The following PLSCR1 variants were observed in gnomAD, a reference collection of about 807,000 sequenced individuals.
The protein encoded by PLSCR1 is PL scramblase 1.
Under a neutral mutation model 37.8 loss-of-function variants are expected in PLSCR1, and 17 were observed. The observed-to-expected ratio is 0.45, with a 90% CI of 0.31 to 0.68. The LOEUF (loss-of-function observed/expected upper bound fraction) is 0.68, where lower values mean the gene tolerates loss of function less well. PLSCR1 is among the 30% of genes least tolerant of loss of function. The pLI, the probability that PLSCR1 is intolerant of heterozygous loss-of-function variation, is 0.06. For missense variants in PLSCR1, 347 were observed against 380.9 expected, an observed-to-expected ratio of 0.91 and a Z score of 0.74; for synonymous variants, 116 against 125.9, an observed-to-expected ratio of 0.92 and a Z score of 0.53.
chr3:146,520,928 C>G (rs1043059677), intron 7 of PLSCR1, among the ~76,000 whole-genome samples: 1 of 151,976 alleles, frequency 6.6e-6, no homozygotes, highest in Non-Finnish European at 1.5e-5. Context: ...TAAAAGTAGA[C>G]CATCTGTTGT....
Position 146,517,957 on chromosome 3 carries a change from G to A in PLSCR1, c.739-790C>T, listed in dbSNP as rs182876487. The stretch of plus-strand genomic sequence containing the variant: ...TACACATATAGTTGTATTAACAGAG[G>A]AGTGTCCTTTTCAGCTAAATAAATG... On this transcript the variant is annotated intron_variant, in intron 7 of 8. Transcript: ENST00000342435. Among the ~76,000 whole-genome samples the A allele has an allele frequency of 2.0e-5, 3 of 152,278 alleles. No homozygotes were observed. In the East Asian group the frequency reaches 5.8e-4, roughly 29 times the overall value.
rs896424595 is a variant in PLSCR1 at position 146,521,489 on chromosome 3, T to A, written c.738+55A>T. ...ATGCATTTATAATGTCCTGCAAAAT[T>A]ACATTCTTCTTATATTAGGAAAGCA... On this transcript the variant is annotated intron_variant, in intron 7 of 8. Transcript: ENST00000342435. The A allele has an allele frequency of 5.8e-5, 85 of 1,456,536 alleles. No individual in the cohort carries two copies. In the Admixed American group the frequency reaches 1.6e-3, roughly 27 times the overall value. 90.2% of individuals were successfully genotyped at this position (1,456,536 alleles called of 1,614,324 possible). A position where few individuals can be genotyped will look rare whatever the true frequency, so the allele number is the denominator to read the frequency against.
chr3:146,526,183 C>CAAAAAAAAAAAAAAAAAAAA (rs60229241), intron 4 of PLSCR1, among the ~76,000 whole-genome samples: 32 of 42,682 alleles, frequency 7.5e-4, no homozygotes, highest in East Asian at 1.8e-3. Flanking sequence ...GACTCCATCT[C>CAAAAAAAAAAAAAAAAAAAA]AAAAAAAAAA....
At chr3:146,533,583 A>T in intron 2 of PLSCR1, 33 bp from the exon 3 acceptor site, 1 of 1,181,338 alleles carries the variant, frequency 8.5e-7, no homozygotes, top group Non-Finnish European at 1.3e-6. Context: ...TAGATGTCTG[A>T]TTAAATAAAA....
chr3:146,524,709 AT>A (rs2044082001), intron 5 of PLSCR1, among the ~76,000 whole-genome samples: 2 of 152,122 alleles, frequency 1.3e-5, no homozygotes, highest in Non-Finnish European at 2.9e-5. Context: ...TAAAAAAAAA[AT>A]CAAGTAACTT....
rs181829870 is a variant in PLSCR1, at chr3:146,543,809, G to T, written c.-14+658C>A. Among the ~76,000 whole-genome samples, 343 of 152,320 alleles carry T rather than the reference G, an allele frequency of 2.3e-3. 2 individuals carry two copies. Among genetic ancestry groups the T allele is most frequent in the African/African-American group, 7.6e-3 (315 of 41,574 alleles). The stretch of plus-strand genomic sequence containing the variant: ...AATTTCAGAGATGAGGCAATGGAAA[G>T]AACATATATAAGAAGAAAGTGGCTG... On this transcript the variant is annotated intron_variant, in intron 1 of 8. Transcript: ENST00000342435.
Position 146,521,841 on chromosome 3 carries a change from G to T in PLSCR1, c.568C>A (p.Leu190Ile). The change falls in exon 6 of 9, where the codon CTT (leucine) becomes ATT (isoleucine). Residue 190 changes from leucine to isoleucine, a missense_variant. Coordinates refer to ENST00000342435, the MANE Select transcript of PLSCR1 (RefSeq NM_021105.3). ...GGTAATTGATCACAGACCTCCTGAAGGCAGCAGGGACAACAACAGCTGCTA... is the reference window on the plus strand; with the variant it reads ...GGTAATTGATCACAGACCTCCTGAATGCAGCAGGGACAACAACAGCTGCTA... ...RCSSCCCPCC[L>I]QEIEIQAPPG... is the part of the protein sequence containing the mutation. 1 of 1,611,098 alleles carries T rather than the reference G, an allele frequency of 6.2e-7. No homozygotes were observed.
intron 8 of PLSCR1, 166 bp downstream of exon 8, chr3:146,516,840 C>T (rs987675254): frequency 1.3e-5 from 7 of 536,906 alleles, no homozygotes; most frequent in Non-Finnish European, 2.2e-5. Context: ...CCTGTGACCC[C>T]AGAGTGTCAG....
At chr3:146,519,718 C>T (rs2043993405) in intron 7 of PLSCR1, among the ~76,000 whole-genome samples, 1 of 152,004 alleles carries the variant, frequency 6.6e-6, no homozygotes, top group Non-Finnish European at 1.5e-5. Context: ...TTGCTGATCC[C>T]TGACCTAGAT....
chr3:146,539,819 T>C (rs2108674287), intron 1 of PLSCR1, among the ~76,000 whole-genome samples: 1 of 152,322 alleles, frequency 6.6e-6, no homozygotes, highest in Non-Finnish European at 1.5e-5. Flanking sequence ...TTGAAAGTGG[T>C]ATGTAATAAG....
chr3:146,529,805 G>A (rs1462321882), intron 3 of PLSCR1, among the ~76,000 whole-genome samples: 4 of 152,078 alleles, frequency 2.6e-5, no homozygotes, highest in East Asian at 1.9e-4. Context: ...GAGCCACCGC[G>A]CCCATTCGTT....
intron 3 of PLSCR1, among the ~76,000 whole-genome samples, chr3:146,530,606 G>T (rs2044183844): frequency 6.6e-6 from 1 of 152,158 alleles, no homozygotes; most frequent in South Asian, 2.1e-4. Context: ...GAAGAGAAAA[G>T]CTTTATATGA....
chr3:146,526,199 A>AG lies in PLSCR1; in HGVS notation c.313-553_313-552insC, dbSNP rs1351554984. 7.5e-4 allele frequency among the ~76,000 whole-genome samples: 112 copies of AG among 149,148 alleles called. 3 individuals carry two copies. Among genetic ancestry groups the AG allele is most frequent in the Admixed American group, 7.2e-3 (107 of 14,862 alleles). ...ACTCCATCTCAAAAAAAAAAAAAAA[A>AG]AAAAAGAAAGAAAAAAAAAAGAAAA... On this transcript the variant is annotated intron_variant, in intron 4 of 8. Coordinates refer to ENST00000342435, the MANE Select transcript of PLSCR1 (RefSeq NM_021105.3).
chr3:146,524,178 A>G (rs557914296), intron 5 of PLSCR1, among the ~76,000 whole-genome samples: 2 of 152,376 alleles, frequency 1.3e-5, no homozygotes, highest in Admixed American at 6.5e-5. Flanking sequence ...TAATTGTTAC[A>G]TTAAGTAGCT....
chr3:146,530,357 T>A (rs879588160), intron 3 of PLSCR1, among the ~76,000 whole-genome samples: 13 of 152,184 alleles, frequency 8.5e-5, no homozygotes, highest in Non-Finnish European at 1.8e-4. Flanking sequence ...TCCTTTATGA[T>A]GAATGAATAT....
chr3:146,521,675 T>C lies in PLSCR1; in HGVS notation c.607A>G (p.Ile203Val). The C allele has an allele frequency of 6.2e-7, 1 of 1,613,386 alleles. No individual in the cohort carries two copies. The highest frequency in any genetic ancestry group is 8.5e-7 in the Non-Finnish European group (1 of 1,179,418). ...IEIQAPPGVPIGYVIQTWHPC... is the reference protein window; with the variant it reads ...IEIQAPPGVPVGYVIQTWHPC... ...TGCCAAGTCTGAATAACATAACCTA[T>C]TGGTACACCAGGAGGAGCTTGGATT... is the stretch of plus-strand genomic sequence containing the variant. Residue 203 changes from isoleucine to valine, a missense_variant, in exon 7 of 9, where the codon ATA becomes GTA. Physicochemically the swap from Ile to Val is conservative, Grantham distance 29. Transcript: ENST00000342435.
At chr3:146,542,616 C>A (rs2108680266) in intron 1 of PLSCR1, among the ~76,000 whole-genome samples, 1 of 152,290 alleles carries the variant, frequency 6.6e-6, no homozygotes, top group South Asian at 2.1e-4. Context: ...ATGGAGACAT[C>A]ATTTTTTTCT....
intron 1 of PLSCR1, among the ~76,000 whole-genome samples, chr3:146,537,124 T>C (rs1319119150): frequency 6.6e-6 from 1 of 152,116 alleles, no homozygotes; most frequent in Non-Finnish European, 1.5e-5. Flanking sequence ...AGAGATTTTT[T>C]TTTTTTTTTA....
At chr3:146,529,798 C>T (rs1253650370) in intron 3 of PLSCR1, among the ~76,000 whole-genome samples, 1 of 152,164 alleles carries the variant, frequency 6.6e-6, no homozygotes, top group African/African-American at 2.4e-5. Context: ...CAGGCGTGAG[C>T]CACCGCGCCC....
Sources: gnomAD v4.1 joint callset for allele counts (sites outside exome capture counted in the v4.1 genomes callset) on GRCh38, gnomAD v4.1.1 for gene constraint, MANE v1.5 for transcripts, NCBI Gene and HGNC (gene_info 2026-07-23, HGNC 2026-07-21) for gene names.